The following E2F3 variants were observed in gnomAD, a reference collection of about 807,000 sequenced individuals.
E2F3 encodes E2F transcription factor 3, also known as transcription factor E2F3.
Under a neutral mutation model 44.4 loss-of-function variants are expected in E2F3, and 11 were observed. That is an observed-to-expected ratio of 0.25 (90% CI 0.16 to 0.41). E2F3 has a LOEUF of 0.41. E2F3 is among the 10% of genes least tolerant of loss of function. The pLI is 1.00. For synonymous variants in E2F3, 249 were observed against 253.0 expected (o/e 0.98, Z 0.15); for missense variants, 487 against 583.6 (o/e 0.83, Z 1.70).
chr6:20,473,206 C>T (rs1359635254), intron 1 of E2F3, among the ~76,000 whole-genome samples: 3 of 152,072 alleles, frequency 2.0e-5, no homozygotes, highest in Admixed American at 2.0e-4. Context: ...GTTTTTAAAT[C>T]AGGAATAAAA....
intron 2 of E2F3, 134 bp from the exon 3 acceptor site, chr6:20,481,072 C>T: frequency 1.3e-6 from 1 of 782,774 alleles, no homozygotes; most frequent in Non-Finnish European, 2.0e-6. Flanking sequence ...ACACCAACAG[C>T]AACGACAGCC....
chr6:20,485,486 A>G (rs1762362740), intron 4 of E2F3, among the ~76,000 whole-genome samples: 1 of 152,144 alleles, frequency 6.6e-6, no homozygotes, highest in Non-Finnish European at 1.5e-5. Flanking sequence ...AGGCTGAGGC[A>G]CGAGAATCAT....
In E2F3 at chr6:20,420,803, C is replaced by T. The variant is rs114755638; in HGVS notation, c.393+18178C>T. Among the ~76,000 whole-genome samples, 1,222 of 152,274 alleles carry T rather than the reference C, an allele frequency of 8.0e-3. 12 individuals carry two copies. The highest frequency in any genetic ancestry group is 0.026 in the African/African-American group (1,085 of 41,552). ...AATGCTGGGGCAGCTGTGGCAATTT[C>T]TTCACATAAGAAAAAATCAAGTTTT... is the stretch of plus-strand genomic sequence containing the variant. On this transcript the variant is annotated intron_variant, in intron 1 of 6. Coordinates refer to ENST00000346618, the MANE Select transcript of E2F3 (RefSeq NM_001949.5).
chr6:20,423,007 A>T (rs1218903561), intron 1 of E2F3, among the ~76,000 whole-genome samples: 1 of 152,252 alleles, frequency 6.6e-6, no homozygotes, highest in African/African-American at 2.4e-5. Flanking sequence ...TTTGTAAAAC[A>T]CTGCAGTATC....
intron 1 of E2F3, among the ~76,000 whole-genome samples, chr6:20,468,908 G>T (rs1761801861): frequency 1.3e-5 from 2 of 152,208 alleles, no homozygotes; most frequent in African/African-American, 4.8e-5. Flanking sequence ...CATCAGCACA[G>T]TGTATGCAGT....
At chr6:20,407,233 CATACCCCAAAATGGA>C (rs1759522497) in intron 1 of E2F3, among the ~76,000 whole-genome samples, 1 of 152,180 alleles carries the variant, frequency 6.6e-6, no homozygotes, top group Non-Finnish European at 1.5e-5. Flanking sequence ...TTAGTCACTA[CATACCCCAAAATGGA>C]AGTTTTAATA....
At chr6:20,446,076 A>G (rs892108840) in intron 1 of E2F3, among the ~76,000 whole-genome samples, 4 of 152,062 alleles carry the variant, frequency 2.6e-5, no homozygotes, top group African/African-American at 9.7e-5. Flanking sequence ...CCCAGAGAAA[A>G]CCCACGCGGA....
At chr6:20,436,577 G>T (rs922591805) in intron 1 of E2F3, among the ~76,000 whole-genome samples, 1 of 152,158 alleles carries the variant, frequency 6.6e-6, no homozygotes, top group Non-Finnish European at 1.5e-5. Context: ...TGCGGCCCGT[G>T]GGCCGGAGGT....
intron 1 of E2F3, among the ~76,000 whole-genome samples, chr6:20,477,477 C>T (rs1028998981): frequency 1.3e-5 from 2 of 152,024 alleles, no homozygotes; most frequent in South Asian, 2.1e-4. Flanking sequence ...TGAAATAGGC[C>T]GTGCTGGGCA....
At chr6:20,408,972 C>G (rs532917496) in intron 1 of E2F3, among the ~76,000 whole-genome samples, 16 of 152,190 alleles carry the variant, frequency 1.1e-4, no homozygotes, top group Non-Finnish European at 2.4e-4. Flanking sequence ...GAGTCCTCAT[C>G]TGCCCAATCC....
intron 1 of E2F3, among the ~76,000 whole-genome samples, chr6:20,468,595 A>G (rs1017482498): frequency 6.6e-6 from 1 of 152,158 alleles, no homozygotes; most frequent in African/African-American, 2.4e-5. Flanking sequence ...TGATTAAATC[A>G]CTGGCCATTG....
intron 1 of E2F3, among the ~76,000 whole-genome samples, chr6:20,449,211 G>T (rs1421820721): frequency 6.6e-6 from 1 of 152,112 alleles, no homozygotes; most frequent in African/African-American, 2.4e-5. Flanking sequence ...CTATTACAAA[G>T]AAACTTTTAT....
chr6:20,483,046 T>TG, intron 4 of E2F3, 126 bp downstream of exon 4: 1 of 1,313,322 alleles, frequency 7.6e-7, no homozygotes, highest in Admixed American at 1.9e-5. Flanking sequence ...CCTGTGTGCC[T>TG]GTGTGTGTAT....
In E2F3 at chr6:20,402,985, C is replaced by A. The variant is rs1467660708; in HGVS notation, c.393+360C>A. Among the ~76,000 whole-genome samples the A allele has an allele frequency of 1.3e-5, 2 of 152,102 alleles. No homozygotes were observed. Among genetic ancestry groups the A allele is most frequent in the Non-Finnish European group, 2.9e-5 (2 of 68,010 alleles). On this transcript the variant is annotated intron_variant, in intron 1 of 6. Transcript: ENST00000346618. This position sits in a 1 kb window ranked among gnomAD's most constrained non-coding sequence, Gnocchi z 5.6. The stretch of plus-strand genomic sequence containing the variant: ...TCTCGGGCGTAGGAAGGGGTCACGC[C>A]CCGGATGGAGAAGGGGGTGGGGGAG...
chr6:20,431,819 C>A (rs779532600), intron 1 of E2F3, among the ~76,000 whole-genome samples: 11 of 152,162 alleles, frequency 7.2e-5, no homozygotes, highest in Non-Finnish European at 1.6e-4. Context: ...GTAGGGCTGC[C>A]ATAAGAAAGT....
intron 1 of E2F3, chr6:20,445,068 G>A (rs1760894965): frequency 1.0e-6 from 1 of 985,440 alleles, no homozygotes. Context: ...CACCCTGAGT[G>A]TCAAGTTCCT....
rs1759348096 is a variant in E2F3, at chr6:20,402,703, G to A, written c.393+78G>A. On this transcript the variant is annotated intron_variant, in intron 1 of 6. Transcript: ENST00000346618. The surrounding 1 kb of genome is among the most constrained non-coding windows in gnomAD (Gnocchi z 5.6). Reference sequence around the variant, plus strand: ...CCGCGCGGGGTCGTGGGCGCGCTGCGGGCCGCTCGGGGAGAGCACTGGGCC... The same window carrying A: ...CCGCGCGGGGTCGTGGGCGCGCTGCAGGCCGCTCGGGGAGAGCACTGGGCC... 2 of 1,271,516 alleles carry A rather than the reference G, an allele frequency of 1.6e-6. No homozygotes were observed. Among genetic ancestry groups the A allele is most frequent in the East Asian group, 3.2e-5 (1 of 31,078 alleles). The allele number at this position is 1,271,516 out of a possible 1,614,324, so 78.8% of individuals were successfully genotyped here. A position where few individuals can be genotyped will look rare whatever the true frequency, so the allele number is the denominator to read the frequency against.
Position 20,461,779 on chromosome 6 carries a change from T to C in E2F3, c.394-18067T>C, listed in dbSNP as rs1341952291. Among the ~76,000 whole-genome samples, 7 of 152,210 alleles carry C rather than the reference T, an allele frequency of 4.6e-5. 1 individual carries two copies. Among genetic ancestry groups the C allele is most frequent in the Admixed American group, 4.6e-4 (7 of 15,284 alleles). On this transcript the variant is annotated intron_variant, in intron 1 of 6. Coordinates refer to ENST00000346618, the MANE Select transcript of E2F3 (RefSeq NM_001949.5). ...CTACAAATTCTTGTGTACACATCCT[T>C]GTGCATATGCGCAAGAGTTTATGGT...
At chr6:20,483,814 C>T (rs1324523873) in intron 4 of E2F3, among the ~76,000 whole-genome samples, 1 of 152,190 alleles carries the variant, frequency 6.6e-6, no homozygotes, top group Non-Finnish European at 1.5e-5. Flanking sequence ...CATTATTTGA[C>T]AAAAACTAAA....
Sources: gnomAD v4.1 joint callset for allele counts (sites outside exome capture counted in the v4.1 genomes callset) on GRCh38, gnomAD v4.1.1 for gene constraint, Gnocchi (gnomAD v3.1) non-coding constraint, MANE v1.5 for transcripts, NCBI Gene and HGNC (gene_info 2026-07-23, HGNC 2026-07-21) for gene names.